The following RTL4 variants were observed in gnomAD, a reference collection of about 807,000 sequenced individuals.
The protein encoded by RTL4 is retrotransposon Gag like 4, also known as retrotransposon Gag-like protein 4.
A neutral mutation model predicts 5.3 loss-of-function variants in RTL4; 4 were observed. The ratio of observed to expected loss-of-function variants is 0.75; its 90% CI spans 0.37 to 1.72. RTL4 has a LOEUF of 1.72. Ranked by LOEUF, RTL4 falls within the 40% of genes most tolerant of loss-of-function variation. The pLI is 0.04. For synonymous variants in RTL4, 98 were observed against 87.3 expected (o/e 1.12, Z -0.68); for missense variants, 260 against 227.1 (o/e 1.14, Z -0.93).
chrX:112,276,660 A>G, the RTL4 span, among the ~76,000 whole-genome samples: 4 of 111,791 alleles, frequency 3.6e-5, no homozygotes, highest in African/African-American at 1.3e-4. Flanking sequence ...GGGCTCAAAG[A>G]CCAAATTAAG....
the RTL4 span, among the ~76,000 whole-genome samples, chrX:112,212,376 A>C: frequency 7.3e-5 from 8 of 109,834 alleles, no homozygotes; most frequent in African/African-American, 2.0e-4. Flanking sequence ...ACTCCGTCTC[A>C]AAAAAAAAAT....
the RTL4 span, among the ~76,000 whole-genome samples, chrX:112,304,258 A>G: frequency 9.0e-6 from 1 of 110,822 alleles, no homozygotes; most frequent in African/African-American, 3.3e-5. Flanking sequence ...GAGTAGCCAA[A>G]GATGCACTAC....
At chrX:112,389,131 A>G in the RTL4 span, among the ~76,000 whole-genome samples, 1 of 110,166 alleles carries the variant, frequency 9.1e-6, no homozygotes, top group Non-Finnish European at 1.9e-5. Context: ...CAGGGAATCA[A>G]TTTCTTCCTG....
chrX:112,183,281 T>C, the RTL4 span, among the ~76,000 whole-genome samples: 2 of 112,044 alleles, frequency 1.8e-5, no homozygotes, highest in Admixed American at 1.9e-4. Context: ...CCAGCTAGCA[T>C]CATAATGACA....
the RTL4 span, among the ~76,000 whole-genome samples, chrX:112,342,873 G>A: frequency 3.8e-4 from 43 of 111,717 alleles, no homozygotes; most frequent in African/African-American, 1.3e-3. Context: ...AGGCCAAGGC[G>A]GGCGGATCAC....
the RTL4 span, among the ~76,000 whole-genome samples, chrX:112,317,665 CAT>C: frequency 1.8e-5 from 2 of 111,823 alleles, no homozygotes; most frequent in Non-Finnish European, 3.8e-5. Flanking sequence ...CTATTTATTA[CAT>C]ATGTGTCAGA....
At chrX:112,324,095 C>G in the RTL4 span, among the ~76,000 whole-genome samples, 1 of 112,202 alleles carries the variant, frequency 8.9e-6, no homozygotes, top group East Asian at 2.8e-4. Context: ...GACTCCATAT[C>G]TTCCTTCACT....
At chrX:112,311,040 G>GA in the RTL4 span, among the ~76,000 whole-genome samples, 1 of 106,871 alleles carries the variant, frequency 9.4e-6, no homozygotes, top group Non-Finnish European at 1.9e-5. Context: ...TGAAGTTTAA[G>GA]AAGCACTACT....
the RTL4 span, among the ~76,000 whole-genome samples, chrX:112,387,917 C>G: frequency 1.8e-5 from 2 of 111,405 alleles, no homozygotes; most frequent in Non-Finnish European, 3.8e-5. Flanking sequence ...TTTTATGGTT[C>G]TTTATGAACT....
chrX:112,370,311 G>A, the RTL4 span, among the ~76,000 whole-genome samples: 1 of 111,081 alleles, frequency 9.0e-6, no homozygotes, highest in African/African-American at 3.3e-5. Context: ...TCCTGAAAGA[G>A]GACTGGGAGT....
At chrX:112,377,733 C>A in the RTL4 span, among the ~76,000 whole-genome samples, 2 of 111,514 alleles carry the variant, frequency 1.8e-5, no homozygotes, top group Non-Finnish European at 3.8e-5. Context: ...ATGTAAGCAG[C>A]CTTGTTGTTT....
chrX:112,332,433 A>C, the RTL4 span, among the ~76,000 whole-genome samples: 10 of 110,981 alleles, frequency 9.0e-5, no homozygotes, highest in Admixed American at 3.8e-4. Context: ...GAACCAACCC[A>C]AATGTCCAAC....
the RTL4 span, among the ~76,000 whole-genome samples, chrX:112,328,692 C>T: frequency 5.4e-5 from 6 of 111,925 alleles, no homozygotes; most frequent in African/African-American, 2.0e-4. Flanking sequence ...CACCCCAAAT[C>T]AACAGAATAT....
At chrX:112,271,331 T>C in the RTL4 span, among the ~76,000 whole-genome samples, 1 of 113,353 alleles carries the variant, frequency 8.8e-6, no homozygotes, top group East Asian at 2.8e-4. Context: ...AGCAAATAAA[T>C]CATTGACAGT....
chrX:112,229,915 C>T, the RTL4 span, among the ~76,000 whole-genome samples: 3 of 111,941 alleles, frequency 2.7e-5, no homozygotes, highest in Admixed American at 9.4e-5. Context: ...AGTACCCGGC[C>T]GTGTGAGGTG....
At chrX:112,264,368 C>T in the RTL4 span, among the ~76,000 whole-genome samples, 6 of 111,303 alleles carry the variant, frequency 5.4e-5, no homozygotes, top group Non-Finnish European at 7.5e-5. Flanking sequence ...AACAGCTCCA[C>T]ACACACTGTA....
the RTL4 span, among the ~76,000 whole-genome samples, chrX:112,406,555 G>GC: frequency 7.2e-5 from 8 of 111,085 alleles, no homozygotes; most frequent in East Asian, 2.0e-3. Context: ...CTCCCACCAT[G>GC]CCCCCCCTCC....
the RTL4 span, among the ~76,000 whole-genome samples, chrX:112,383,525 C>T: frequency 2.1e-4 from 23 of 111,791 alleles, no homozygotes; most frequent in Non-Finnish European, 4.3e-4. Flanking sequence ...TTTTATTAAA[C>T]AATGTTATTA....
the RTL4 span, among the ~76,000 whole-genome samples, chrX:112,159,323 A>G: frequency 8.9e-6 from 1 of 111,987 alleles, no homozygotes; most frequent in Non-Finnish European, 1.9e-5. Context: ...GCAAGTCAGA[A>G]CTGGAGCCCA....
Sources: gnomAD v4.1 joint callset for allele counts (sites outside exome capture counted in the v4.1 genomes callset) on GRCh38, gnomAD v4.1.1 for gene constraint, MANE v1.5 for transcripts, NCBI Gene and HGNC (gene_info 2026-07-23, HGNC 2026-07-21) for gene names.